The following ANK2 variants were observed in gnomAD, a reference collection of about 807,000 sequenced individuals.
The protein encoded by ANK2 is ankyrin-2.
ANK2 carries 83 observed loss-of-function variants against 360.5 expected under a neutral mutation model. The ratio of observed to expected loss-of-function variants is 0.23; its 90% CI spans 0.19 to 0.28. The LOEUF is 0.28. ANK2 is among the 10% of genes least tolerant of loss of function. The pLI is 1.00. For missense variants in ANK2, 4,201 were observed against 4,795.7 expected, an observed-to-expected ratio of 0.88 and a Z score of 3.66; for synonymous variants, 1,740 against 1,759.5, an observed-to-expected ratio of 0.99 and a Z score of 0.28.
chr4:113,306,978 G>T (rs1034454556), intron 23 of ANK2, among the ~76,000 whole-genome samples: 1 of 152,230 alleles, frequency 6.6e-6, no homozygotes, highest in African/African-American at 2.4e-5. Context: ...TTGTAGGATC[G>T]TGAGTTGATC....
the ANK2 span, among the ~76,000 whole-genome samples, chr4:112,763,819 C>CA: frequency 6.6e-6 from 1 of 152,114 alleles, no homozygotes; most frequent in East Asian, 1.9e-4. Flanking sequence ...CGTGCCCGAC[C>CA]ATATGTAGCA....
intron 20 of ANK2, among the ~76,000 whole-genome samples, chr4:113,290,840 T>G (rs545420461): frequency 2.6e-5 from 4 of 152,202 alleles, no homozygotes; most frequent in South Asian, 2.1e-4. Flanking sequence ...GCACTGGGTC[T>G]AGAGCTCCTA....
intron 29 of ANK2, among the ~76,000 whole-genome samples, chr4:113,334,806 A>G (rs1005256710): frequency 2.1e-5 from 3 of 142,018 alleles, no homozygotes; most frequent in African/African-American, 7.8e-5. Flanking sequence ...TAGAAAGTTA[A>G]TAGATTAATT....
chr4:113,375,724 C>CA (rs538542250), intron 45 of ANK2, among the ~76,000 whole-genome samples: 1,683 of 102,744 alleles, frequency 0.016, 14 homozygotes, highest in South Asian at 0.024. Context: ...GAATTCGTCT[C>CA]AAAAAAAAAA....
chr4:113,121,375 A>T (rs1341512492), intron 1 of ANK2, among the ~76,000 whole-genome samples: 1 of 151,868 alleles, frequency 6.6e-6, no homozygotes, highest in Non-Finnish European at 1.5e-5. Context: ...TAAGGAAATC[A>T]CTTATTCCAC....
chr4:113,201,086 T>A (rs943062116), intron 4 of ANK2, among the ~76,000 whole-genome samples: 1 of 152,006 alleles, frequency 6.6e-6, no homozygotes, highest in Non-Finnish European at 1.5e-5. Flanking sequence ...CGATTTCTTT[T>A]CCTTTGGGTA....
chr4:113,007,479 GT>G (rs950233209), intron 2 of ANK2, among the ~76,000 whole-genome samples: 2 of 152,108 alleles, frequency 1.3e-5, no homozygotes, highest in Non-Finnish European at 2.9e-5. Flanking sequence ...ATCAGAGTAT[GT>G]TTTTTTCCCG....
intron 17 of ANK2, among the ~76,000 whole-genome samples, chr4:113,279,539 T>C (rs2153704246): frequency 6.6e-6 from 1 of 152,016 alleles, no homozygotes; most frequent in East Asian, 1.9e-4. Flanking sequence ...AACCACTAGG[T>C]CCTTTGTGCC....
intron 23 of ANK2, among the ~76,000 whole-genome samples, chr4:113,310,498 C>G (rs1330384381): frequency 1.3e-5 from 2 of 151,946 alleles, no homozygotes; most frequent in African/African-American, 4.8e-5. Context: ...CTCACTGCAA[C>G]CTTCATCTCC....
chr4:113,162,841 C>T (rs1471468574), intron 1 of ANK2, among the ~76,000 whole-genome samples: 1 of 151,080 alleles, frequency 6.6e-6, no homozygotes, highest in Non-Finnish European at 1.5e-5. Context: ...GCGCCTGGTA[C>T]ATAGTAGGTA....
At chr4:113,373,539 T>C in intron 45 of ANK2, 90 bp downstream of exon 45, 1 of 1,363,812 alleles carries the variant, frequency 7.3e-7, no homozygotes, top group Admixed American at 1.7e-5. Context: ...ATTCATATTT[T>C]CCTCACTTCT....
chr4:112,943,868 C>G (rs1378206845), intron 2 of ANK2, among the ~76,000 whole-genome samples: 3 of 152,036 alleles, frequency 2.0e-5, no homozygotes, highest in Non-Finnish European at 2.9e-5. Context: ...TTCTGGCACT[C>G]TTGTTAATAA....
At chr4:112,930,657 G>A (rs2093114892) in intron 2 of ANK2, among the ~76,000 whole-genome samples, 1 of 152,020 alleles carries the variant, frequency 6.6e-6, no homozygotes, top group Admixed American at 6.6e-5. Context: ...GGGAGGCCGA[G>A]GAGGGCAGAT....
chr4:113,283,156 G>T (rs1051288876), intron 18 of ANK2, among the ~76,000 whole-genome samples: 3 of 152,126 alleles, frequency 2.0e-5, no homozygotes, highest in Non-Finnish European at 4.4e-5. Flanking sequence ...TTTTCTCTGT[G>T]TGTCTAAAGA....
At chr4:113,310,486 G>A (rs546751051) in intron 23 of ANK2, among the ~76,000 whole-genome samples, 3 of 151,932 alleles carry the variant, frequency 2.0e-5, no homozygotes, top group African/African-American at 4.8e-5. Flanking sequence ...GTGCAATCTC[G>A]GCTCACTGCA....
the ANK2 span, among the ~76,000 whole-genome samples, chr4:112,770,754 T>C: frequency 1.3e-5 from 2 of 151,834 alleles, no homozygotes; most frequent in South Asian, 2.1e-4. Context: ...GGCAGGCTCA[T>C]TAAAACAGAT....
At chr4:112,863,514 CTTTTTTTTT>C (rs952398354) in intron 1 of ANK2, among the ~76,000 whole-genome samples, 4 of 106,988 alleles carry the variant, frequency 3.7e-5, no homozygotes, top group African/African-American at 7.2e-5. Context: ...TTTAGAGTAT[CTTTTTTTTT>C]TTTTTTTTTT....
intron 15 of ANK2, among the ~76,000 whole-genome samples, chr4:113,275,491 T>A (rs2059901079): frequency 6.6e-6 from 1 of 152,194 alleles, no homozygotes; most frequent in Non-Finnish European, 1.5e-5. Context: ...TCAGTAGGTA[T>A]AAGTACTTCA....
chr4:112,820,621 A>G (rs1371618010), intron 1 of ANK2, among the ~76,000 whole-genome samples: 1 of 152,214 alleles, frequency 6.6e-6, no homozygotes, highest in African/African-American at 2.4e-5. Context: ...TTTAAATTAG[A>G]GACAGGTTCT....
Sources: allele counts gnomAD v4.1 joint callset (sites outside exome capture counted in the v4.1 genomes callset), GRCh38; gene constraint gnomAD v4.1.1; transcripts MANE v1.5; gene names NCBI Gene and HGNC (gene_info 2026-07-23, HGNC 2026-07-21).